LEKR1: variants seen among roughly 807,000 people sequenced by gnomAD.
LEKR1 encodes the protein leucine, glutamate and lysine rich 1, also known as protein LEKR1.
A neutral mutation model predicts 72.4 loss-of-function variants in LEKR1; 59 were observed. The observed-to-expected ratio is 0.82, with a 90% confidence interval of 0.66 to 1.01. LEKR1 has a LOEUF of 1.01. Among genes scored for constraint, LEKR1 ranks in the 50% least tolerant of loss-of-function variants. The pLI is 0.00. For synonymous variants in LEKR1, 257 were observed against 263.2 expected, an observed-to-expected ratio of 0.98 and a Z score of 0.23; for missense variants, 728 against 759.2, an observed-to-expected ratio of 0.96 and a Z score of 0.48.
chr3:157,019,517 T>C (rs989393351), intron 10 of LEKR1, among the ~76,000 whole-genome samples: 6 of 152,220 alleles, frequency 3.9e-5, no homozygotes, highest in African/African-American at 1.4e-4. Flanking sequence ...CTGGGATGTG[T>C]ACAAAGATAA....
intron 9 of LEKR1, among the ~76,000 whole-genome samples, chr3:157,011,114 C>T (rs1381271212): frequency 6.6e-6 from 1 of 151,934 alleles, no homozygotes; most frequent in African/African-American, 2.4e-5. Flanking sequence ...ACATGAACAG[C>T]CAGAAGACAT....
chr3:156,850,262 A>G (rs1031010901), intron 2 of LEKR1, among the ~76,000 whole-genome samples: 6 of 151,294 alleles, frequency 4.0e-5, no homozygotes, highest in Admixed American at 1.3e-4. Context: ...TATATATTTT[A>G]TATATTTGTA....
chr3:157,032,772 T>A (rs536937975), intron 12 of LEKR1, among the ~76,000 whole-genome samples: 1 of 152,034 alleles, frequency 6.6e-6, no homozygotes. Flanking sequence ...ATAACTTGTT[T>A]TATTGCATGT....
At chr3:156,941,284 G>A (rs1726177904) in intron 5 of LEKR1, among the ~76,000 whole-genome samples, 1 of 151,944 alleles carries the variant, frequency 6.6e-6, no homozygotes, top group Non-Finnish European at 1.5e-5. Flanking sequence ...TATTCCCCAG[G>A]TCTATCACAA....
intron 3 of LEKR1, chr3:156,888,614 C>T: frequency 2.1e-6 from 1 of 468,362 alleles, no homozygotes; most frequent in Non-Finnish European, 3.8e-6. Context: ...GCCATGTTCT[C>T]TAGCTCCTTT....
rs1381664183 is a variant in LEKR1 at position 156,992,671 on chromosome 3, T to C, written c.846T>C (p.Ala282=). ...ATTTTAGGAATAAATCTAATGAAGC[T>C]GATGACTGTCAAAGAGAACTTAAAA... is the stretch of plus-strand genomic sequence containing the variant. ...KEMLMNKSNE[A]DDCQRELKKL... is the part of the protein sequence containing the mutation. Residue 282 remains alanine (A), a synonymous_variant, in exon 8 of 13, where the codon GCT becomes GCC. Coordinates refer to ENST00000356539, the MANE Select transcript of LEKR1 (RefSeq NM_001004316.3). 4.1e-6 allele frequency: 4 copies of C among 969,558 alleles called. No individual in the cohort carries two copies. Among genetic ancestry groups the C allele is most frequent in the African/African-American group, 1.8e-5 (1 of 56,570 alleles). 60.1% of individuals were successfully genotyped at this position (969,558 alleles called of 1,614,324 possible).
At chr3:156,848,763 ATAAAATG>A (rs1265232777) in intron 2 of LEKR1, among the ~76,000 whole-genome samples, 4 of 152,234 alleles carry the variant, frequency 2.6e-5, no homozygotes, top group African/African-American at 7.2e-5. Context: ...AGTGAGATAC[ATAAAATG>A]ACTTATAAGG....
rs73873773 is a variant in LEKR1, at chr3:157,026,162, A to G, written c.1368+1238A>G. Among the ~76,000 whole-genome samples, 1,093 of 152,256 alleles carry G rather than the reference A, an allele frequency of 7.2e-3. 21 individuals carry two copies. Among genetic ancestry groups the G allele is most frequent in the African/African-American group, 0.025 (1,041 of 41,546 alleles). On this transcript the variant is annotated intron_variant, in intron 11 of 12. Transcript: ENST00000356539. ...CAAGCTTAGAGCCTTGGCTCCCCCA[A>G]GGTTCTGCCTCCCCTAGAGGGTTCT...
chr3:156,871,683 T>A (rs1164295078), intron 3 of LEKR1, among the ~76,000 whole-genome samples: 1 of 152,222 alleles, frequency 6.6e-6, no homozygotes, highest in East Asian at 1.9e-4. Flanking sequence ...ATTGTCGTTT[T>A]GATTTGCATT....
chr3:157,021,317 C>T (rs1264447123), intron 10 of LEKR1, among the ~76,000 whole-genome samples: 1 of 151,736 alleles, frequency 6.6e-6, no homozygotes, highest in African/African-American at 2.4e-5. Flanking sequence ...TCTTTTGTTG[C>T]CATTGCTTTT....
intron 2 of LEKR1, among the ~76,000 whole-genome samples, chr3:156,834,190 A>G (rs1033710940): frequency 6.6e-6 from 1 of 152,132 alleles, no homozygotes; most frequent in Non-Finnish European, 1.5e-5. Flanking sequence ...GAGCAGATCA[A>G]TGTTCTAAGA....
At chr3:156,872,114 C>A (rs1387784592) in intron 3 of LEKR1, among the ~76,000 whole-genome samples, 1 of 151,010 alleles carries the variant, frequency 6.6e-6, no homozygotes, top group Non-Finnish European at 1.5e-5. Flanking sequence ...CAGATTTAGT[C>A]TCATTGCTTA....
chr3:156,976,414 G>T (rs1729692944), intron 6 of LEKR1, among the ~76,000 whole-genome samples: 1 of 151,966 alleles, frequency 6.6e-6, no homozygotes, highest in African/African-American at 2.4e-5. Flanking sequence ...AAAAGCACCA[G>T]GGGCCATTTA....
intron 7 of LEKR1, among the ~76,000 whole-genome samples, chr3:156,987,470 A>C (rs1730791099): frequency 6.6e-6 from 1 of 152,228 alleles, no homozygotes; most frequent in Non-Finnish European, 1.5e-5. Context: ...ACATACAGTG[A>C]AAGTTGTGGT....
intron 5 of LEKR1, among the ~76,000 whole-genome samples, chr3:156,932,554 A>G (rs1725321367): frequency 6.6e-6 from 1 of 152,032 alleles, no homozygotes; most frequent in African/African-American, 2.4e-5. Context: ...CTCTACTAAA[A>G]ATACAAAAAT....
At chr3:156,930,649 A>G (rs902349217) in intron 5 of LEKR1, among the ~76,000 whole-genome samples, 15 of 152,102 alleles carry the variant, frequency 9.9e-5, no homozygotes. Context: ...AAACAATCCA[A>G]AAAATGGCAT....
At chr3:157,026,130 T>A (rs1171705273) in intron 11 of LEKR1, among the ~76,000 whole-genome samples, 1 of 152,152 alleles carries the variant, frequency 6.6e-6, no homozygotes, top group Non-Finnish European at 1.5e-5. Context: ...CAATGGAGCA[T>A]GTGCCACAAG....
rs529414630 is a variant in LEKR1 at position 156,985,648 on chromosome 3, C to T, written c.827+6373C>T. ...TTAGGCCAGGAGTATGACTTGGCCA[C>T]CATGGTGAAACCCTGTCTCTATTAA... is the stretch of plus-strand genomic sequence containing the variant. On this transcript the variant is annotated intron_variant, in intron 7 of 12. Transcript: ENST00000356539. Among the ~76,000 whole-genome samples the T allele has an allele frequency of 2.0e-5, 3 of 152,028 alleles. No homozygotes were observed. The East Asian group carries it at 5.8e-4, about 29-fold the overall frequency.
chr3:156,923,986 C>A (rs1724465407), intron 4 of LEKR1, among the ~76,000 whole-genome samples: 1 of 152,198 alleles, frequency 6.6e-6, no homozygotes, highest in Admixed American at 6.5e-5. Context: ...CTCAGCCTCC[C>A]AAAGTGCTGG....
Sources: gnomAD v4.1 joint callset for allele counts (sites outside exome capture counted in the v4.1 genomes callset) on GRCh38, gnomAD v4.1.1 for gene constraint, MANE v1.5 for transcripts, NCBI Gene and HGNC (gene_info 2026-07-23, HGNC 2026-07-21) for gene names.